Variants in RTN4 observed in about 807,000 individuals in gnomAD.
RTN4 encodes the protein reticulon-4.
A neutral mutation model predicts 90.4 loss-of-function variants in RTN4; 32 were observed. The ratio of observed to expected loss-of-function variants is 0.35; its 90% CI spans 0.27 to 0.48. The LOEUF is 0.48. RTN4 is among the 20% of genes least tolerant of loss of function. The probability of loss-of-function intolerance (pLI) is 0.99; values close to 1 mark genes in which losing one functional copy is unlikely to be tolerated. For synonymous variants in RTN4, 629 were observed against 552.5 expected (o/e 1.14, Z -1.94); for missense variants, 1,706 against 1,430.2 (o/e 1.19, Z -3.11).
chr2:55,052,240 C>T (rs1353488311), upstream of RTN4, among the ~76,000 whole-genome samples: 1 of 152,084 alleles, frequency 6.6e-6, no homozygotes, highest in East Asian at 1.9e-4. Context: ...AATATCAGTT[C>T]ATCAGTTGTA....
At chr2:55,120,864 C>T in the RTN4 span, among the ~76,000 whole-genome samples, 2 of 152,108 alleles carry the variant, frequency 1.3e-5, no homozygotes, top group African/African-American at 4.8e-5. Flanking sequence ...CCGGCTTACA[C>T]ACACATAGCT....
At chr2:55,029,392 G>C (rs1291124678) in intron 1 of RTN4, among the ~76,000 whole-genome samples, 1 of 152,092 alleles carries the variant, frequency 6.6e-6, no homozygotes, top group Non-Finnish European at 1.5e-5. Flanking sequence ...CTGCAGTTGG[G>C]AGATCCTAAG....
intron 2 of RTN4, among the ~76,000 whole-genome samples, chr2:55,057,353 A>G (rs534433239): frequency 6.6e-6 from 1 of 152,236 alleles, no homozygotes; most frequent in Non-Finnish European, 1.5e-5. Context: ...AAAATAGAGC[A>G]TAGGCATTTG....
At chr2:54,976,599 A>T (rs765316206) in intron 5 of RTN4, among the ~76,000 whole-genome samples, 5 of 152,210 alleles carry the variant, frequency 3.3e-5, no homozygotes, top group Non-Finnish European at 7.3e-5. Context: ...AGCTATGTTG[A>T]GAAAACTGAA....
chr2:55,071,884 G>C (rs773495784), intron 2 of RTN4, among the ~76,000 whole-genome samples: 2 of 152,184 alleles, frequency 1.3e-5, no homozygotes, highest in Non-Finnish European at 2.9e-5. Flanking sequence ...ATAATGACTG[G>C]GTTAGCTTGA....
intron 3 of RTN4, among the ~76,000 whole-genome samples, chr2:55,002,512 A>G (rs1203634002): frequency 6.6e-6 from 1 of 152,216 alleles, no homozygotes; most frequent in Non-Finnish European, 1.5e-5. Flanking sequence ...TGCTTCATTT[A>G]TAATTAAATT....
chr2:54,973,401 G>A (rs191189148), intron 8 of RTN4, 162 bp downstream of exon 8: 168 of 764,098 alleles, frequency 2.2e-4, no homozygotes, highest in African/African-American at 3.2e-4. Flanking sequence ...ACCCAGAAAC[G>A]AATGGTCCAA....
intron 5 of RTN4, among the ~76,000 whole-genome samples, chr2:54,975,459 T>C (rs1677545505): frequency 6.6e-6 from 1 of 152,212 alleles, no homozygotes; most frequent in Non-Finnish European, 1.5e-5. Flanking sequence ...AGGGGAGTAG[T>C]AGAGCACCCC....
chr2:55,028,117 T>TA, intron 2 of RTN4, 47 bp downstream of exon 2: 1 of 1,547,032 alleles, frequency 6.5e-7, no homozygotes, highest in Non-Finnish European at 8.9e-7. Context: ...ACTAAAGAGT[T>TA]AAAGTTAGAA....
the RTN4 span, among the ~76,000 whole-genome samples, chr2:55,122,105 C>T: frequency 1.3e-5 from 2 of 151,918 alleles, no homozygotes; most frequent in African/African-American, 4.8e-5. Context: ...TCAAGCGATC[C>T]TCCCACCTCA....
intron 1 of RTN4, among the ~76,000 whole-genome samples, chr2:55,110,963 C>T (rs1194186207): frequency 6.6e-6 from 1 of 152,076 alleles, no homozygotes; most frequent in Admixed American, 6.5e-5. Flanking sequence ...ATTGCTTGAA[C>T]CCAGGAGGTG....
intron 8 of RTN4, 139 bp downstream of exon 8, chr2:54,973,418 GAAAAAC>G: frequency 1.3e-6 from 1 of 786,932 alleles, no homozygotes; most frequent in Non-Finnish European, 2.1e-6. Context: ...CCAAATGTTA[GAAAAAC>G]AATCTTTTGG....
chr2:54,975,195 C>CAAT (rs1201283207), intron 5 of RTN4, among the ~76,000 whole-genome samples: 2 of 152,154 alleles, frequency 1.3e-5, no homozygotes. Flanking sequence ...AGCTGATAAG[C>CAAT]AATAATTGGG....
intron 5 of RTN4, among the ~76,000 whole-genome samples, chr2:54,976,857 T>C (rs1020043816): frequency 6.6e-6 from 1 of 152,228 alleles, no homozygotes; most frequent in African/African-American, 2.4e-5. Context: ...TGCAACATTA[T>C]AGCCAATACT....
intron 1 of RTN4, 148 bp downstream of exon 1, chr2:55,049,597 C>T (rs1484850734): frequency 7.4e-7 from 1 of 1,348,430 alleles, no homozygotes; most frequent in Non-Finnish European, 1.0e-6. Context: ...CCCCGCGCTT[C>T]CAACCAGACG....
chr2:54,983,808 C>T (rs1475807009), intron 4 of RTN4, among the ~76,000 whole-genome samples: 1 of 152,192 alleles, frequency 6.6e-6, no homozygotes, highest in Non-Finnish European at 1.5e-5. Flanking sequence ...AGACCTGCCA[C>T]TACCTAGCTA....
intron 1 of RTN4, among the ~76,000 whole-genome samples, chr2:55,111,955 G>T (rs1242573881): frequency 6.6e-6 from 1 of 152,118 alleles, no homozygotes; most frequent in Non-Finnish European, 1.5e-5. Flanking sequence ...TCTCAAAACT[G>T]CTTCAACCAC....
Position 55,027,959 on chromosome 2 carries a change from T to G in RTN4, c.613+205A>C, listed in dbSNP as rs562582340. Among the ~76,000 whole-genome samples, 4 of 152,214 alleles carry G rather than the reference T, an allele frequency of 2.6e-5. No homozygotes were observed. The East Asian group carries it at 5.8e-4, about 22-fold the overall frequency. On this transcript the variant is annotated intron_variant, in intron 2 of 8. Coordinates refer to ENST00000337526, the MANE Select transcript of RTN4 (RefSeq NM_020532.5). ...AATTCAAGGGTCCAAGAATTCCTTA[T>G]GTACTTCCAAGTATTCATCAGATTT...
chr2:55,028,295 G>T, intron 1 of RTN4, 75 bp from the exon 2 acceptor site: 2 of 1,336,464 alleles, frequency 1.5e-6, no homozygotes, highest in Non-Finnish European at 2.1e-6. Context: ...AGAGGAGCAA[G>T]CCAGGGTTCA....
Sources: allele counts gnomAD v4.1 joint callset (sites outside exome capture counted in the v4.1 genomes callset), GRCh38; gene constraint gnomAD v4.1.1; transcripts MANE v1.5; gene names NCBI Gene and HGNC (gene_info 2026-07-23, HGNC 2026-07-21).